Variants in FBXL13 observed in about 807,000 individuals in gnomAD.
The protein encoded by FBXL13 is F-box and leucine rich repeat protein 13.
Under a neutral mutation model 83.6 loss-of-function variants are expected in FBXL13, and 67 were observed. The ratio of observed to expected loss-of-function variants is 0.80; its 90% CI spans 0.66 to 0.98. The LOEUF (loss-of-function observed/expected upper bound fraction) is 0.98, where lower values mean the gene tolerates loss of function less well. Among genes scored for constraint, FBXL13 ranks in the 50% least tolerant of loss-of-function variants. The probability of loss-of-function intolerance (pLI) is 0.00; values close to 1 mark genes in which losing one functional copy is unlikely to be tolerated. For missense variants in FBXL13, 822 were observed against 866.5 expected (o/e 0.95, Z 0.64); for synonymous variants, 272 against 299.5 (o/e 0.91, Z 0.95).
chr7:102,874,677 A>AG (rs1468504568), intron 16 of FBXL13, among the ~76,000 whole-genome samples: 1 of 151,974 alleles, frequency 6.6e-6, no homozygotes, highest in Non-Finnish European at 1.5e-5. Flanking sequence ...CCATACTCCC[A>AG]CCTGTCAGCC....
chr7:102,955,918 G>C (rs184928002), intron 8 of FBXL13, among the ~76,000 whole-genome samples: 1 of 152,196 alleles, frequency 6.6e-6, no homozygotes, highest in Non-Finnish European at 1.5e-5. Flanking sequence ...AAAAGACCAG[G>C]ACCAGACGGA....
At chr7:103,000,043 C>G (rs1221010194) in intron 6 of FBXL13, among the ~76,000 whole-genome samples, 1 of 151,976 alleles carries the variant, frequency 6.6e-6, no homozygotes, top group Non-Finnish European at 1.5e-5. Flanking sequence ...AAACTTCCCT[C>G]TTAGCTCTGA....
intron 11 of FBXL13, among the ~76,000 whole-genome samples, chr7:102,906,165 C>G (rs1813718294): frequency 1.3e-5 from 2 of 152,146 alleles, no homozygotes; most frequent in Admixed American, 1.3e-4. Flanking sequence ...AGACCTGCCC[C>G]CATGATTCAA....
At chr7:103,030,225 C>T (rs954996296) in intron 2 of FBXL13, 1 of 152,096 alleles carries the variant, frequency 6.6e-6, no homozygotes. Flanking sequence ...TTGCACATTG[C>T]TGTAAATACT....
At chr7:103,058,476 G>A (rs1390124219) in intron 1 of FBXL13, among the ~76,000 whole-genome samples, 1 of 152,220 alleles carries the variant, frequency 6.6e-6, no homozygotes, top group Non-Finnish European at 1.5e-5. Context: ...CTATTATCTG[G>A]AGGCCAATCA....
At chr7:103,057,518 A>G (rs1797452683) in intron 1 of FBXL13, among the ~76,000 whole-genome samples, 2 of 152,202 alleles carry the variant, frequency 1.3e-5, no homozygotes, top group African/African-American at 2.4e-5. Flanking sequence ...TCCACCATTA[A>G]AATGTGTGAA....
At chr7:102,813,177 A>AACT, downstream of FBXL13, 1 of 675,712 alleles carries the variant, frequency 1.5e-6, no homozygotes, top group Non-Finnish European at 2.4e-6. Flanking sequence ...TAGACAGAAG[A>AACT]ACTACTGATG....
chr7:102,934,115 C>T (rs1819786810), intron 8 of FBXL13: 1 of 1,613,976 alleles, frequency 6.2e-7, no homozygotes, highest in East Asian at 2.2e-5. Context: ...CTTAGATTGT[C>T]AAGAAAGAAA....
At chr7:102,969,291 G>A (rs1482776253) in intron 6 of FBXL13, among the ~76,000 whole-genome samples, 1 of 152,112 alleles carries the variant, frequency 6.6e-6, no homozygotes, top group Non-Finnish European at 1.5e-5. Flanking sequence ...ATTTAGTACA[G>A]TAACATGCTG....
At chr7:102,925,792 A>AAACT (rs1470077044) in intron 10 of FBXL13, among the ~76,000 whole-genome samples, 41 of 151,766 alleles carry the variant, frequency 2.7e-4, no homozygotes, top group Non-Finnish European at 1.5e-4. Flanking sequence ...AAATACAAAA[A>AAACT]TAGCCAGGCG....
intron 18 of FBXL13, among the ~76,000 whole-genome samples, chr7:102,826,752 T>TATATAC (rs1799753333): frequency 8.8e-6 from 1 of 114,264 alleles, no homozygotes; most frequent in African/African-American, 3.4e-5. Flanking sequence ...TATATATATA[T>TATATAC]ATATATATAT....
At position 103,024,853 on chromosome 7, in the gene FBXL13, A is replaced by AT. The variant is rs1186182065; in HGVS notation, c.495+209dup. On this transcript the variant is annotated intron_variant, in intron 6 of 19. Coordinates refer to ENST00000313221, the Ensembl canonical transcript of FBXL13. ...TATGTGTATATATATATATATATATATATATTTTTTTTTTTTTTTTTTTTG... is the reference window on the plus strand; with the variant it reads ...TATGTGTATATATATATATATATATATTATATTTTTTTTTTTTTTTTTTTTG... 5.0e-3 allele frequency among the ~76,000 whole-genome samples: 443 copies of AT among 88,040 alleles called. 2 individuals carry two copies. The highest frequency in any genetic ancestry group is 7.4e-3 in the African/African-American group (137 of 18,572). 57.8% of individuals were successfully genotyped at this position (88,040 alleles called of 152,430 possible).
At chr7:102,819,083 C>T (rs970798225) in intron 19 of FBXL13, among the ~76,000 whole-genome samples, 5 of 152,176 alleles carry the variant, frequency 3.3e-5, no homozygotes, top group South Asian at 2.1e-4. Flanking sequence ...TTAGCCTTTT[C>T]GCTAACTATA....
chr7:102,964,390 C>CTATATATATATGTGTGTGTATATATA (rs1563159810), intron 7 of FBXL13, among the ~76,000 whole-genome samples: 1 of 140,466 alleles, frequency 7.1e-6, no homozygotes, highest in African/African-American at 2.7e-5. Flanking sequence ...AATTTTGTGA[C>CTATATATATATGTGTGTGTATATATA]TATATATATA....
At chr7:103,063,327 C>T (rs1798097839) in intron 1 of FBXL13, among the ~76,000 whole-genome samples, 1 of 152,178 alleles carries the variant, frequency 6.6e-6, no homozygotes, top group South Asian at 2.1e-4. Context: ...ATACCATCTA[C>T]TTACATAGCA....
chr7:102,821,309 T>C (rs2129445546), intron 19 of FBXL13, among the ~76,000 whole-genome samples: 1 of 152,286 alleles, frequency 6.6e-6, no homozygotes, highest in Non-Finnish European at 1.5e-5. Context: ...GCCCTACCCC[T>C]GCAGGCCTGG....
At chr7:102,976,364 G>A (rs960148215) in intron 6 of FBXL13, 11 of 593,856 alleles carry the variant, frequency 1.9e-5, no homozygotes, top group African/African-American at 9.3e-5. Flanking sequence ...TGAGCCCCCC[G>A]CTCCACTTTT....
chr7:102,834,107 AAAGAAAG>A, intron 17 of FBXL13, among the ~76,000 whole-genome samples: 1 of 115,334 alleles, frequency 8.7e-6, no homozygotes, highest in South Asian at 3.0e-4. Context: ...AGAAAGAAAG[AAAGAAAG>A]AAAGAAAGAA....
chr7:102,980,866 C>T (rs1828124712), intron 6 of FBXL13, among the ~76,000 whole-genome samples: 1 of 151,452 alleles, frequency 6.6e-6, no homozygotes, highest in African/African-American at 2.4e-5. Flanking sequence ...AAGAATATGA[C>T]ACCAAAAGCA....
Sources: gnomAD v4.1 joint callset for allele counts (sites outside exome capture counted in the v4.1 genomes callset) on GRCh38, gnomAD v4.1.1 for gene constraint, MANE v1.5 for transcripts, NCBI Gene and HGNC (gene_info 2026-07-23, HGNC 2026-07-21) for gene names.